The following LYPD6 variants were observed in gnomAD, a reference collection of about 807,000 sequenced individuals.
The protein encoded by LYPD6 is ly6/PLAUR domain-containing protein 6.
In LYPD6, 15 loss-of-function variants were observed where a neutral mutation model predicts 22.7. The observed-to-expected ratio is 0.66, with a 90% CI of 0.44 to 1.02. LYPD6 has a LOEUF of 1.02. Ranked by LOEUF, LYPD6 falls within the 50% of genes least tolerant of loss-of-function variation. The pLI, the probability that LYPD6 is intolerant of heterozygous loss-of-function variation, is 0.00. For missense variants in LYPD6, 189 were observed against 208.4 expected (o/e 0.91, Z 0.57); for synonymous variants, 72 against 77.5 (o/e 0.93, Z 0.37).
chr2:149,355,699 C>T (rs993922174), intron 1 of LYPD6, among the ~76,000 whole-genome samples: 2 of 152,156 alleles, frequency 1.3e-5, no homozygotes, highest in African/African-American at 2.4e-5. Flanking sequence ...CTTTATTTCT[C>T]AAACTAGTCA....
intron 3 of LYPD6, among the ~76,000 whole-genome samples, chr2:149,459,473 G>C (rs543445294): frequency 6.6e-6 from 1 of 152,160 alleles, no homozygotes; most frequent in Non-Finnish European, 1.5e-5. Context: ...CTTAGTAAAC[G>C]TACTTGATAC....
At chr2:149,458,517 A>C (rs563268123) in intron 3 of LYPD6, among the ~76,000 whole-genome samples, 1 of 152,306 alleles carries the variant, frequency 6.6e-6, no homozygotes, top group African/African-American at 2.4e-5. Flanking sequence ...TAACATAATA[A>C]CAATATGTCC....
At chr2:149,470,060 G>A (rs1322718001) in intron 4 of LYPD6, among the ~76,000 whole-genome samples, 3 of 152,202 alleles carry the variant, frequency 2.0e-5, no homozygotes, top group Non-Finnish European at 4.4e-5. Flanking sequence ...CTGCTGGTCT[G>A]TACTTTGTGT....
At chr2:149,451,136 G>A (rs914185886) in intron 3 of LYPD6, among the ~76,000 whole-genome samples, 6 of 152,278 alleles carry the variant, frequency 3.9e-5, no homozygotes, top group Middle Eastern at 3.4e-3. Flanking sequence ...CCAGATCAAG[G>A]TGCCGGCAGG....
chr2:149,386,553 A>AT (rs1183005186), intron 1 of LYPD6, among the ~76,000 whole-genome samples: 1 of 152,236 alleles, frequency 6.6e-6, no homozygotes, highest in Non-Finnish European at 1.5e-5. Flanking sequence ...AGAGCCGTGC[A>AT]TGTAGACATA....
At chr2:149,361,554 GGATC>G (rs1042273464) in intron 1 of LYPD6, among the ~76,000 whole-genome samples, 1 of 152,128 alleles carries the variant, frequency 6.6e-6, no homozygotes, top group Non-Finnish European at 1.5e-5. Flanking sequence ...ATAAACAGAT[GGATC>G]CTCTGTTACC....
At chr2:149,468,874 G>A (rs1003017699) in intron 4 of LYPD6, 99 bp downstream of exon 4, 3 of 1,300,502 alleles carry the variant, frequency 2.3e-6, no homozygotes, top group Middle Eastern at 2.7e-4. Flanking sequence ...CCCCCGTGAA[G>A]GCTGTCTTTT....
chr2:149,451,672 A>C (rs191448951), intron 3 of LYPD6, among the ~76,000 whole-genome samples: 163 of 152,212 alleles, frequency 1.1e-3, no homozygotes, highest in African/African-American at 3.4e-3. Flanking sequence ...AAGTCCAGAT[A>C]CCTAAAGGTA....
At chr2:149,401,192 A>G (rs1396224519) in intron 1 of LYPD6, among the ~76,000 whole-genome samples, 1 of 152,202 alleles carries the variant, frequency 6.6e-6, no homozygotes, top group East Asian at 1.9e-4. Context: ...TTGATCAGGA[A>G]TGTACCACAT....
At chr2:149,410,068 A>T (rs1190553592) in intron 1 of LYPD6, among the ~76,000 whole-genome samples, 1 of 152,172 alleles carries the variant, frequency 6.6e-6, no homozygotes, top group Admixed American at 6.5e-5. Flanking sequence ...TCTATCTGCC[A>T]TCTTAATCCC....
rs1282388439 is a variant in LYPD6 at position 149,368,422 on chromosome 2, A to G, written c.-72+37700A>G. ...TGTGGTGATGCCTGAAATCCCAGCTATTCAGGAGGCTGAGGCATGAGGATC... is the reference window on the plus strand; with the variant it reads ...TGTGGTGATGCCTGAAATCCCAGCTGTTCAGGAGGCTGAGGCATGAGGATC... On this transcript the variant is annotated intron_variant, in intron 1 of 4. Transcript: ENST00000334166. Among the ~76,000 whole-genome samples, 3 of 152,130 alleles carry G rather than the reference A, an allele frequency of 2.0e-5. No homozygotes were observed. The East Asian group carries it at 5.8e-4, about 29-fold the overall frequency.
chr2:149,446,579 T>C (rs1305245283), intron 2 of LYPD6, among the ~76,000 whole-genome samples: 2 of 152,226 alleles, frequency 1.3e-5, no homozygotes, highest in East Asian at 1.9e-4. Flanking sequence ...TTTCCCCCTA[T>C]TAAAATTTCC....
chr2:149,383,447 A>T (rs556514192), intron 1 of LYPD6, among the ~76,000 whole-genome samples: 3 of 152,150 alleles, frequency 2.0e-5, no homozygotes, highest in Admixed American at 6.5e-5. Context: ...CACAAAATTA[A>T]ACTCAACATC....
At chr2:149,360,391 T>A (rs1027000260) in intron 1 of LYPD6, among the ~76,000 whole-genome samples, 5 of 152,212 alleles carry the variant, frequency 3.3e-5, no homozygotes, top group Non-Finnish European at 5.9e-5. Flanking sequence ...TCCCAGCCCC[T>A]ATTCAAGATG....
At chr2:149,411,195 T>C (rs1046623921) in intron 1 of LYPD6, among the ~76,000 whole-genome samples, 1 of 152,180 alleles carries the variant, frequency 6.6e-6, no homozygotes, top group African/African-American at 2.4e-5. Context: ...TAACAAGCCT[T>C]CTGACGCAGC....
chr2:149,359,561 AC>A (rs1681529691), intron 1 of LYPD6, among the ~76,000 whole-genome samples: 1 of 152,218 alleles, frequency 6.6e-6, no homozygotes, highest in Admixed American at 6.5e-5. Context: ...AGTTGGTGAA[AC>A]CAAGGCCCTG....
intron 1 of LYPD6, among the ~76,000 whole-genome samples, chr2:149,366,542 A>G (rs1681670153): frequency 6.6e-6 from 1 of 152,200 alleles, no homozygotes; most frequent in South Asian, 2.1e-4. Flanking sequence ...ACAGAGCCAG[A>G]GAAAAAGAAC....
chr2:149,405,624 T>C (rs1417086585), intron 1 of LYPD6, among the ~76,000 whole-genome samples: 1 of 152,214 alleles, frequency 6.6e-6, no homozygotes, highest in African/African-American at 2.4e-5. Flanking sequence ...TCTTCTCTGT[T>C]TTCTTCTTTA....
chr2:149,440,614 A>T (rs928137725), intron 2 of LYPD6, among the ~76,000 whole-genome samples: 3 of 151,518 alleles, frequency 2.0e-5, no homozygotes, highest in Non-Finnish European at 2.9e-5. Context: ...TTATGATGGG[A>T]ATACTGTGTA....
Sources: allele counts gnomAD v4.1 joint callset (sites outside exome capture counted in the v4.1 genomes callset), GRCh38; gene constraint gnomAD v4.1.1; transcripts MANE v1.5; gene names NCBI Gene and HGNC (gene_info 2026-07-23, HGNC 2026-07-21).